ATP2B2: variants seen among roughly 807,000 people sequenced by gnomAD.
ATP2B2 encodes the protein plasma membrane calcium-transporting ATPase 2.
In ATP2B2, 15 loss-of-function variants were observed where a neutral mutation model predicts 120.0. That is an observed-to-expected ratio of 0.12 (90% confidence interval 0.08 to 0.19). The LOEUF (loss-of-function observed/expected upper bound fraction) is 0.19, where lower values mean the gene tolerates loss of function less well. Ranked by LOEUF, ATP2B2 falls within the 10% of genes least tolerant of loss-of-function variation. The pLI is 1.00. For missense variants in ATP2B2, 1,045 were observed against 1,719.8 expected (o/e 0.61, Z 6.94); for synonymous variants, 694 against 700.3 (o/e 0.99, Z 0.14).
At chr3:10,425,398 G>C (rs180971380) in intron 2 of ATP2B2, among the ~76,000 whole-genome samples, 9 of 152,092 alleles carry the variant, frequency 5.9e-5, no homozygotes, top group African/African-American at 2.2e-4. Context: ...AGAAAATAAA[G>C]GTCTGTTTCC....
intron 1 of ATP2B2, among the ~76,000 whole-genome samples, chr3:10,657,362 C>A (rs189881627): frequency 6.6e-6 from 1 of 152,364 alleles, no homozygotes; most frequent in African/African-American, 2.4e-5. Context: ...CACCACCCAC[C>A]CTCATGTCTA....
At chr3:10,598,940 T>C (rs945229312) in intron 2 of ATP2B2, among the ~76,000 whole-genome samples, 10 of 152,226 alleles carry the variant, frequency 6.6e-5, no homozygotes, top group Non-Finnish European at 1.5e-4. Context: ...TTTTATCCCC[T>C]TCAGGGAAAA....
In ATP2B2 at chr3:10,367,552, G is replaced by A. The variant is rs540888953; in HGVS notation, c.1659+4257C>T. 3.9e-5 allele frequency among the ~76,000 whole-genome samples: 6 copies of A among 152,252 alleles called. 1 individual carries two copies. The highest frequency in any genetic ancestry group is 1.4e-4 in the African/African-American group (6 of 41,546). On this transcript the variant is annotated intron_variant, in intron 12 of 22. Transcript: ENST00000360273. ...ATGGATGAGCACCTGCCTGCTCTGT[G>A]TCAAGTACTGTGCAGGGTGCTGTAC...
intron 2 of ATP2B2, among the ~76,000 whole-genome samples, chr3:10,447,089 AGTCCTGGG>A (rs1403912070): frequency 6.6e-6 from 1 of 152,152 alleles, no homozygotes; most frequent in Non-Finnish European, 1.5e-5. Flanking sequence ...ACTAGTGCTG[AGTCCTGGG>A]GTCCTTGCTG....
chr3:10,393,325 C>T (rs1294696003), intron 5 of ATP2B2, among the ~76,000 whole-genome samples: 4 of 152,062 alleles, frequency 2.6e-5, no homozygotes, highest in African/African-American at 9.7e-5. Context: ...GGAGTCTTTG[C>T]TTGGTGTTCA....
intron 1 of ATP2B2, among the ~76,000 whole-genome samples, chr3:10,625,114 C>G (rs760893262): frequency 6.6e-6 from 1 of 152,186 alleles, no homozygotes; most frequent in Non-Finnish European, 1.5e-5. Flanking sequence ...TCAGCAGGCC[C>G]CAGAAACTCA....
chr3:10,342,837 C>T lies in ATP2B2; in HGVS notation c.2832G>A (p.Lys944=). ...LLLRKPYGRN[K]PLISRTMMKN... ...TCATCATGGTCCTGGAGATGAGCGG[C>T]TTGTTGCGGCCGTACGGCTTCCTCA... The change falls in exon 19 of 23, where the codon AAG becomes AAA. Residue 944 remains lysine (K), a synonymous_variant. Coordinates refer to ENST00000360273, the MANE Select transcript of ATP2B2 (RefSeq NM_001001331.4). The surrounding 1 kb of genome is among the most constrained non-coding windows in gnomAD (Gnocchi z 4.4). The T allele has an allele frequency of 6.2e-7, 1 of 1,613,930 alleles. No individual in the cohort carries two copies. The highest frequency in any genetic ancestry group is 1.1e-5 in the South Asian group (1 of 91,064).
At chr3:10,394,096 T>C (rs1017072612) in intron 5 of ATP2B2, among the ~76,000 whole-genome samples, 3 of 152,020 alleles carry the variant, frequency 2.0e-5, no homozygotes, top group Non-Finnish European at 4.4e-5. Context: ...TTCCTTGATC[T>C]CTTGCGTGTG....
intron 2 of ATP2B2, among the ~76,000 whole-genome samples, chr3:10,614,576 G>C (rs777389947): frequency 2.6e-5 from 4 of 152,174 alleles, no homozygotes; most frequent in Non-Finnish European, 5.9e-5. Context: ...CTCGTGACTT[G>C]GGTTTTAATC....
intron 1 of ATP2B2, among the ~76,000 whole-genome samples, chr3:10,700,835 C>T (rs1821468): frequency 0.83 from 126,727 of 152,202 alleles, 52,915 homozygotes; most frequent in African/African-American, 0.88. Context: ...GAGAACCAGA[C>T]TGAGGGAGGT....
At chr3:10,480,221 C>T (rs7623572) in intron 1 of ATP2B2, among the ~76,000 whole-genome samples, 20,295 of 152,176 alleles carry the variant, frequency 0.13, 1,958 homozygotes, top group East Asian at 0.41. Context: ...GTAACAAATG[C>T]CCAGGCAGGC....
intron 1 of ATP2B2, among the ~76,000 whole-genome samples, chr3:10,661,874 A>G (rs1363473621): frequency 6.6e-6 from 1 of 152,236 alleles, no homozygotes; most frequent in African/African-American, 2.4e-5. Flanking sequence ...AGTAACCAAA[A>G]CAGCATAGTA....
At chr3:10,653,467 G>T (rs2070522243) in intron 1 of ATP2B2, among the ~76,000 whole-genome samples, 1 of 152,158 alleles carries the variant, frequency 6.6e-6, no homozygotes, top group Non-Finnish European at 1.5e-5. Context: ...CCACTTGGGG[G>T]GCGTCAGAAA....
At chr3:10,371,083 C>T (rs1337722106) in intron 12 of ATP2B2, among the ~76,000 whole-genome samples, 17 of 152,252 alleles carry the variant, frequency 1.1e-4, no homozygotes, top group Non-Finnish European at 2.5e-4. Flanking sequence ...CATGTCCTTA[C>T]AGCACCTCTC....
intron 3 of ATP2B2, among the ~76,000 whole-genome samples, chr3:10,408,783 C>T (rs1002995862): frequency 5.3e-5 from 8 of 152,158 alleles, no homozygotes; most frequent in South Asian, 2.1e-4. Context: ...TGTTACCCCT[C>T]CACCCCCTCC....
intron 1 of ATP2B2, among the ~76,000 whole-genome samples, chr3:10,632,454 C>T (rs1236265299): frequency 6.6e-6 from 1 of 152,216 alleles, no homozygotes; most frequent in African/African-American, 2.4e-5. Flanking sequence ...AGGAATGTCC[C>T]TACACTGTAT....
intron 1 of ATP2B2, among the ~76,000 whole-genome samples, chr3:10,655,039 T>G (rs2117396): frequency 0.22 from 33,603 of 152,100 alleles, 6,221 homozygotes; most frequent in African/African-American, 0.5. Flanking sequence ...GAGCACAGGA[T>G]GCTTCCACGT....
intron 1 of ATP2B2, among the ~76,000 whole-genome samples, chr3:10,633,085 G>A (rs142396985): frequency 5.7e-4 from 87 of 152,316 alleles, no homozygotes; most frequent in African/African-American, 1.9e-3. Flanking sequence ...GGGAACAGGG[G>A]CCCTGAGCCA....
chr3:10,449,552 C>T lies in ATP2B2; in HGVS notation c.-9G>A, dbSNP rs753747684. ...TTGGTCATGTCACCCATGTTTGCTGCGGTCCTTGCTCGGGCTGGGCCCAAG... is the reference window on the plus strand; with the variant it reads ...TTGGTCATGTCACCCATGTTTGCTGTGGTCCTTGCTCGGGCTGGGCCCAAG... On this transcript the variant is annotated 5_prime_UTR_variant, in exon 2 of 23. Coordinates refer to ENST00000360273, the MANE Select transcript of ATP2B2 (RefSeq NM_001001331.4). 74 of 1,614,080 alleles carry T rather than the reference C, an allele frequency of 4.6e-5. No individual in the cohort carries two copies. Among genetic ancestry groups the T allele is most frequent in the South Asian group, 2.9e-4 (26 of 91,082 alleles).
Sources: gnomAD v4.1 joint callset for allele counts (sites outside exome capture counted in the v4.1 genomes callset) on GRCh38, gnomAD v4.1.1 for gene constraint, Gnocchi (gnomAD v3.1) non-coding constraint, MANE v1.5 for transcripts, NCBI Gene and HGNC (gene_info 2026-07-23, HGNC 2026-07-21) for gene names.